The following DRG2 variants were observed in gnomAD, a reference collection of about 807,000 sequenced individuals.
DRG2 encodes the protein developmentally-regulated GTP-binding protein 2.
In DRG2, 36 loss-of-function variants were observed where a neutral mutation model predicts 53.4. The ratio of observed to expected loss-of-function variants is 0.67; its 90% CI spans 0.52 to 0.89. DRG2 has a LOEUF of 0.89. Among genes scored for constraint, DRG2 ranks in the 40% least tolerant of loss-of-function variants. The pLI is 0.00. For synonymous variants in DRG2, 167 were observed against 192.1 expected, an observed-to-expected ratio of 0.87 and a Z score of 1.08; for missense variants, 342 against 481.2, an observed-to-expected ratio of 0.71 and a Z score of 2.71.
At chr17:18,088,364 C>T (rs567082706) in intron 1 of DRG2, among the ~76,000 whole-genome samples, 1 of 152,202 alleles carries the variant, frequency 6.6e-6, no homozygotes. Context: ...AGCATCTGAC[C>T]CAGAGAGAGG....
chr17:18,088,008 C>T lies in DRG2; in HGVS notation c.-16C>T. 1 of 1,547,130 alleles carries T rather than the reference C, an allele frequency of 6.5e-7. No homozygotes were observed. Among genetic ancestry groups the T allele is most frequent in the Non-Finnish European group, 8.7e-7 (1 of 1,145,512 alleles). On this transcript the variant is annotated 5_prime_UTR_variant, in exon 1 of 13. Coordinates refer to ENST00000225729, the MANE Select transcript of DRG2 (RefSeq NM_001388.5). Reference sequence around the variant, plus strand: ...CCGCCGCCACCGCTGTCTGTGCGCCCACCTCTGCTGCTACCATGGGGATCT... The same window carrying T: ...CCGCCGCCACCGCTGTCTGTGCGCCTACCTCTGCTGCTACCATGGGGATCT...
Position 18,098,877 on chromosome 17 carries a change from C to A in DRG2, c.316-140C>A. ...GCACTGGGCTGGGGTGGTGACAAGG[C>A]TCAGACTTGGCCACAGGTTGGCATC... On this transcript the variant is annotated intron_variant, in intron 3 of 12. Transcript: ENST00000225729. This position sits in a 1 kb window ranked among gnomAD's most constrained non-coding sequence, Gnocchi z 4.1. 1 of 904,736 alleles carries A rather than the reference C, an allele frequency of 1.1e-6. No individual in the cohort carries two copies. Among genetic ancestry groups the A allele is most frequent in the Non-Finnish European group, 1.7e-6 (1 of 590,432 alleles). 56.0% of individuals were successfully genotyped at this position (904,736 alleles called of 1,614,324 possible). A position where few individuals can be genotyped will look rare whatever the true frequency, so the allele number is the denominator to read the frequency against.
At chr17:18,106,353 G>A in intron 11 of DRG2, 80 bp from the exon 12 acceptor site, 1 of 1,537,632 alleles carries the variant, frequency 6.5e-7, no homozygotes, top group Non-Finnish European at 9.0e-7. Flanking sequence ...CCTGTGTCCT[G>A]AGCTTTGGGT....
chr17:18,094,939 A>C (rs1463568606), intron 2 of DRG2, among the ~76,000 whole-genome samples: 1 of 119,614 alleles, frequency 8.4e-6, no homozygotes, highest in African/African-American at 3.4e-5. Flanking sequence ...GCACCATTGC[A>C]CTCTAGCCTG....
chr17:18,093,422 G>A (rs1237451983), intron 1 of DRG2, among the ~76,000 whole-genome samples: 1 of 151,682 alleles, frequency 6.6e-6, no homozygotes, highest in Non-Finnish European at 1.5e-5. Flanking sequence ...TGGGTCAAGT[G>A]ATTCTTCTGC....
chr17:18,094,483 A>G (rs956310865), intron 2 of DRG2, among the ~76,000 whole-genome samples: 1 of 152,162 alleles, frequency 6.6e-6, no homozygotes, highest in Non-Finnish European at 1.5e-5. Context: ...GTGAGCTTGC[A>G]GAGTCCTGGG....
In DRG2 at chr17:18,099,776, G is replaced by A; in HGVS notation, c.467+53G>A. The A allele has an allele frequency of 6.5e-7, 1 of 1,542,936 alleles. No individual in the cohort carries two copies. ...TCACATGTCTGGGGAGGGCCAATGT[G>A]TCCCTGAGCTCGTACTAGGCGGCCT... On this transcript the variant is annotated intron_variant, in intron 5 of 12. Coordinates refer to ENST00000225729, the MANE Select transcript of DRG2 (RefSeq NM_001388.5). The surrounding 1 kb of genome is among the most constrained non-coding windows in gnomAD (Gnocchi z 4.4).
chr17:18,102,620 CAAAA>C (rs60412520), intron 9 of DRG2, among the ~76,000 whole-genome samples: 11 of 77,962 alleles, frequency 1.4e-4, no homozygotes, highest in Admixed American at 1.3e-4. Flanking sequence ...GACTCCATCT[CAAAA>C]AAAAAAAAAA....
At chr17:18,094,825 T>C (rs1038902364) in intron 2 of DRG2, among the ~76,000 whole-genome samples, 3 of 151,112 alleles carry the variant, frequency 2.0e-5, no homozygotes, top group African/African-American at 7.3e-5. Context: ...AAATACAAAA[T>C]TAGCCAGGGG....
At position 18,090,406 on chromosome 17, in the gene DRG2, A is replaced by ATATATTTT. The variant is rs1555532983; in HGVS notation, c.64+2320_64+2321insATATTTTT. Among the ~76,000 whole-genome samples the ATATATTTT allele has an allele frequency of 2.6e-4, 6 of 22,696 alleles. 1 individual carries two copies. The highest frequency in any genetic ancestry group is 3.7e-4 in the Non-Finnish European group (5 of 13,696). The allele number at this position is 22,696 out of a possible 152,430, so 14.9% of individuals were successfully genotyped here. On this transcript the variant is annotated intron_variant, in intron 1 of 12. Coordinates refer to ENST00000225729, the MANE Select transcript of DRG2 (RefSeq NM_001388.5). ...TATATATATATATATATATATATAT[A>ATATATTTT]TTTTTTTTTTTTTTTTTTTTTTTTT...
At position 18,098,986 on chromosome 17, in the gene DRG2, T is replaced by G; in HGVS notation, c.316-31T>G. The G allele has an allele frequency of 6.2e-7, 1 of 1,613,156 alleles. No individual in the cohort carries two copies. Among genetic ancestry groups the G allele is most frequent in the Non-Finnish European group, 8.5e-7 (1 of 1,179,328 alleles). On this transcript the variant is annotated intron_variant, in intron 3 of 12. Transcript: ENST00000225729. The surrounding 1 kb of genome is among the most constrained non-coding windows in gnomAD (Gnocchi z 4.1). ...GACCTTTCCAGTGGAGGCCCAGCCT[T>G]GCCTTACCTTTCTTCTCTTCTGCAT...
chr17:18,100,073 G>A lies in DRG2; in HGVS notation c.468-290G>A. 1 of 576,570 alleles carries A rather than the reference G, an allele frequency of 1.7e-6. No individual in the cohort carries two copies. Among genetic ancestry groups the A allele is most frequent in the Non-Finnish European group, 3.1e-6 (1 of 322,728 alleles). 35.7% of individuals were successfully genotyped at this position (576,570 alleles called of 1,614,324 possible). The stretch of plus-strand genomic sequence containing the variant: ...CCTGGCAGAGGGGTACACCAGGCCT[G>A]CCTCCTCGGGACCAGAAGGAGTACC... On this transcript the variant is annotated intron_variant, in intron 5 of 12. Coordinates refer to ENST00000225729, the MANE Select transcript of DRG2 (RefSeq NM_001388.5). The surrounding 1 kb of genome is among the most constrained non-coding windows in gnomAD (Gnocchi z 4.1).
chr17:18,090,406 A>ATTTTTTTTT (rs1186716416), intron 1 of DRG2, among the ~76,000 whole-genome samples: 10 of 22,698 alleles, frequency 4.4e-4, no homozygotes, highest in Admixed American at 8.3e-4. Context: ...ATATATATAT[A>ATTTTTTTTT]TTTTTTTTTT....
At chr17:18,091,459 G>A (rs960186632) in intron 1 of DRG2, among the ~76,000 whole-genome samples, 1 of 152,112 alleles carries the variant, frequency 6.6e-6, no homozygotes, top group Non-Finnish European at 1.5e-5. Context: ...GGTGGCACCA[G>A]CCTGTAGTCC....
chr17:18,099,885 T>TTC lies in DRG2; in HGVS notation c.467+165_467+166dup. 1.4e-6 allele frequency: 1 copy of TTC among 707,092 alleles called. No homozygotes were observed. Among genetic ancestry groups the TTC allele is most frequent in the East Asian group, 2.7e-5 (1 of 36,824 alleles). 43.8% of individuals were successfully genotyped at this position (707,092 alleles called of 1,614,324 possible). Reference sequence around the variant, plus strand: ...CCAACACCACCCAGCCTATGGCGTCTTCTCCTCAAGGCTTGTGTCCAGCCA... The same window carrying TTC: ...CCAACACCACCCAGCCTATGGCGTCTTCTCTCCTCAAGGCTTGTGTCCAGCCA... On this transcript the variant is annotated intron_variant, in intron 5 of 12. Transcript: ENST00000225729. The surrounding 1 kb of genome is among the most constrained non-coding windows in gnomAD (Gnocchi z 4.4).
intron 12 of DRG2, 73 bp downstream of exon 12, chr17:18,106,559 A>G: frequency 6.5e-7 from 1 of 1,528,980 alleles, no homozygotes; most frequent in Non-Finnish European, 9.1e-7. Context: ...GAAGCAAGGC[A>G]TTCACACTCT....
intron 7 of DRG2, 105 bp from the exon 8 acceptor site, chr17:18,101,388 G>T: frequency 2.0e-6 from 2 of 1,021,224 alleles, no homozygotes; most frequent in South Asian, 1.5e-5. Flanking sequence ...ATACCGCCAC[G>T]GTCCCACACG....
Position 18,107,233 on chromosome 17 carries a change from A to G in DRG2, c.1088A>G (p.Lys363Arg), listed in dbSNP as rs546105250. The change falls in exon 13 of 13, where the codon AAG becomes AGG. Residue 363 changes from lysine to arginine, a missense_variant. Transcript: ENST00000225729. ...MEHEDVIQIV[K>R]K ...CATGAGGACGTCATCCAGATCGTGA[A>G]GAAGTAACGGCGCCTGCCGGGCCTC... 1 of 1,612,990 alleles carries G rather than the reference A, an allele frequency of 6.2e-7. No individual in the cohort carries two copies. Among genetic ancestry groups the G allele is most frequent in the African/African-American group, 1.3e-5 (1 of 75,054 alleles).
At chr17:18,093,191 G>A (rs1267483632) in intron 1 of DRG2, among the ~76,000 whole-genome samples, 2 of 152,092 alleles carry the variant, frequency 1.3e-5, no homozygotes, top group African/African-American at 2.4e-5. Flanking sequence ...ATGCCAATGC[G>A]TACTTCACCA....
Sources: allele counts gnomAD v4.1 joint callset (sites outside exome capture counted in the v4.1 genomes callset), GRCh38; gene constraint gnomAD v4.1.1; non-coding constraint Gnocchi (gnomAD v3.1); transcripts MANE v1.5; gene names NCBI Gene and HGNC (gene_info 2026-07-23, HGNC 2026-07-21).